KCNIP4: variants seen among roughly 807,000 people sequenced by gnomAD.
KCNIP4 encodes potassium voltage-gated channel interacting protein 4.
KCNIP4 carries 12 observed loss-of-function variants against 34.0 expected under a neutral mutation model. The ratio of observed to expected loss-of-function variants is 0.35; its 90% CI spans 0.23 to 0.57. KCNIP4 has a LOEUF of 0.57. Ranked by LOEUF, KCNIP4 falls within the 20% of genes least tolerant of loss-of-function variation. The probability of loss-of-function intolerance (pLI) is 0.83; values close to 1 mark genes in which losing one functional copy is unlikely to be tolerated. For synonymous variants in KCNIP4, 124 were observed against 102.2 expected (o/e 1.21, Z -1.29); for missense variants, 238 against 311.7 (o/e 0.76, Z 1.78).
chr4:21,417,020 T>C (rs1412275641), intron 1 of KCNIP4, among the ~76,000 whole-genome samples: 1 of 152,200 alleles, frequency 6.6e-6, no homozygotes, highest in South Asian at 2.1e-4. Context: ...TGTTTCAAAG[T>C]GTTTGCCTTC....
intron 1 of KCNIP4, among the ~76,000 whole-genome samples, chr4:21,461,444 T>A (rs547344490): frequency 7.2e-5 from 11 of 151,956 alleles, no homozygotes; most frequent in African/African-American, 2.7e-4. Context: ...TCACACTTCA[T>A]TTTTCTAGTA....
intron 1 of KCNIP4, among the ~76,000 whole-genome samples, chr4:21,271,936 TGTG>T (rs907998636): frequency 2.0e-5 from 3 of 152,190 alleles, no homozygotes; most frequent in African/African-American, 7.2e-5. Flanking sequence ...AAAGAATTTA[TGTG>T]CTTTCTTCAT....
At chr4:21,811,588 T>C (rs1475298164) in intron 1 of KCNIP4, among the ~76,000 whole-genome samples, 1 of 152,160 alleles carries the variant, frequency 6.6e-6, no homozygotes, top group Non-Finnish European at 1.5e-5. Flanking sequence ...GAGCTACTCA[T>C]ATATGGCCAC....
At chr4:21,579,172 G>A (rs1486984817) in intron 1 of KCNIP4, among the ~76,000 whole-genome samples, 1 of 152,048 alleles carries the variant, frequency 6.6e-6, no homozygotes, top group Non-Finnish European at 1.5e-5. Context: ...GTTCCCGTAG[G>A]TATAACATAA....
intron 1 of KCNIP4, among the ~76,000 whole-genome samples, chr4:21,593,119 TTG>T (rs536946716): frequency 8.4e-4 from 114 of 134,932 alleles, no homozygotes; most frequent in Admixed American, 1.2e-3. Context: ...GTGTGTGTGT[TTG>T]TGTGTGTGTG....
At chr4:21,655,774 A>T (rs1747873165) in intron 1 of KCNIP4, among the ~76,000 whole-genome samples, 1 of 152,188 alleles carries the variant, frequency 6.6e-6, no homozygotes, top group Non-Finnish European at 1.5e-5. Flanking sequence ...ACACAGAGAA[A>T]TCAAGTGTTT....
At chr4:20,789,789 C>G (rs999729595) in intron 3 of KCNIP4, among the ~76,000 whole-genome samples, 3 of 150,672 alleles carry the variant, frequency 2.0e-5, no homozygotes, top group Non-Finnish European at 2.9e-5. Flanking sequence ...TGATGTAGCT[C>G]AGATATTAGC....
intron 4 of KCNIP4, among the ~76,000 whole-genome samples, chr4:20,758,237 T>G (rs1424744674): frequency 6.6e-6 from 1 of 152,194 alleles, no homozygotes; most frequent in Non-Finnish European, 1.5e-5. Context: ...CCTTGTGTTT[T>G]CTTTCCAATT....
chr4:21,384,639 A>G (rs1721848330), intron 1 of KCNIP4, among the ~76,000 whole-genome samples: 1 of 152,234 alleles, frequency 6.6e-6, no homozygotes, highest in Non-Finnish European at 1.5e-5. Flanking sequence ...GTGCTCACAT[A>G]TCACAGTGAA....
At chr4:21,616,274 A>G (rs1330254649) in intron 1 of KCNIP4, among the ~76,000 whole-genome samples, 1 of 152,072 alleles carries the variant, frequency 6.6e-6, no homozygotes, top group African/African-American at 2.4e-5. Context: ...TCTTACCTTT[A>G]TCTCTCCACC....
At chr4:21,455,747 C>T (rs1253218206) in intron 1 of KCNIP4, among the ~76,000 whole-genome samples, 2 of 139,338 alleles carry the variant, frequency 1.4e-5, no homozygotes, top group African/African-American at 2.6e-5. Context: ...TCTTTCTCAT[C>T]CTCTCTGTTC....
intron 2 of KCNIP4, among the ~76,000 whole-genome samples, chr4:20,864,215 T>C (rs947811595): frequency 2.5e-4 from 37 of 147,332 alleles, no homozygotes; most frequent in Non-Finnish European, 3.6e-4. Flanking sequence ...CACATGCATG[T>C]ATATATGCAT....
intron 1 of KCNIP4, among the ~76,000 whole-genome samples, chr4:21,182,435 C>T (rs1754908654): frequency 2.0e-5 from 3 of 147,724 alleles, no homozygotes; most frequent in Non-Finnish European, 4.5e-5. Context: ...CCTTTCCTTT[C>T]CCTTCCTTTC....
intron 1 of KCNIP4, among the ~76,000 whole-genome samples, chr4:21,381,437 C>G (rs558607493): frequency 9.9e-5 from 15 of 152,186 alleles, no homozygotes; most frequent in Non-Finnish European, 2.1e-4. Context: ...TATTTTTACT[C>G]AACTTTTAAA....
rs111537381 is a variant in KCNIP4, at chr4:21,555,054, A to G, written c.61+393517T>C. On this transcript the variant is annotated intron_variant, in intron 1 of 8. Coordinates refer to ENST00000382152, the MANE Select transcript of KCNIP4 (RefSeq NM_025221.6). ...ACATTAGCATCAGGACACAATGACC[A>G]TCTAAACATTTTTTAACAGTTCACT... Among the ~76,000 whole-genome samples the G allele has an allele frequency of 5.3e-5, 8 of 152,284 alleles. 1 individual carries two copies. Among genetic ancestry groups the G allele is most frequent in the African/African-American group, 1.9e-4 (8 of 41,560 alleles).
At chr4:21,180,714 T>C (rs1754777910) in intron 1 of KCNIP4, among the ~76,000 whole-genome samples, 1 of 150,552 alleles carries the variant, frequency 6.6e-6, no homozygotes, top group Non-Finnish European at 1.5e-5. Context: ...TATATTTGTG[T>C]ATATATATAG....
rs573245050 is a variant in KCNIP4, at chr4:21,062,820, T to C, written c.62-180111A>G. Among the ~76,000 whole-genome samples the C allele has an allele frequency of 6.6e-4, 101 of 152,222 alleles. 3 individuals carry two copies. In the South Asian group the frequency reaches 0.021, roughly 31 times the overall value. On this transcript the variant is annotated intron_variant, in intron 1 of 8. Coordinates refer to ENST00000382152, the MANE Select transcript of KCNIP4 (RefSeq NM_025221.6). ...TTTACTTGAGGGAGGGTCAGCCTTT[T>C]TGTTCTATTTAGGTTTTCAACAAAT...
intron 1 of KCNIP4, among the ~76,000 whole-genome samples, chr4:21,533,951 A>T (rs769334095): frequency 6.6e-6 from 1 of 152,168 alleles, no homozygotes; most frequent in Non-Finnish European, 1.5e-5. Flanking sequence ...GAAAAAGCCT[A>T]AAGCTACTTA....
intron 1 of KCNIP4, among the ~76,000 whole-genome samples, chr4:21,165,449 C>CAAAAAAAAAAAAAAAAAAAAAAAA (rs1161082468): frequency 1.6e-3 from 1 of 620 alleles, no homozygotes. Flanking sequence ...TTGAAAGCAT[C>CAAAAAAAAAAAAAAAAAAAAAAAA]AAAAAAAAAA....
Sources: gnomAD v4.1 joint callset for allele counts (sites outside exome capture counted in the v4.1 genomes callset) on GRCh38, gnomAD v4.1.1 for gene constraint, MANE v1.5 for transcripts, NCBI Gene and HGNC (gene_info 2026-07-23, HGNC 2026-07-21) for gene names.